The following CDKL2 variants were observed in gnomAD, a reference collection of about 807,000 sequenced individuals.
The protein encoded by CDKL2 is cyclin-dependent kinase-like 2.
CDKL2 carries 64 observed loss-of-function variants against 63.9 expected under a neutral mutation model. The observed-to-expected ratio is 1.00, with a 90% confidence interval of 0.82 to 1.23. CDKL2 has a LOEUF of 1.23. CDKL2 is among the 50% of genes most tolerant of loss of function. The pLI is 0.00. For synonymous variants in CDKL2, 211 were observed against 229.2 expected, an observed-to-expected ratio of 0.92 and a Z score of 0.72; for missense variants, 656 against 668.0, an observed-to-expected ratio of 0.98 and a Z score of 0.20.
chr4:75,626,300 A>G (rs1730403794), intron 1 of CDKL2, among the ~76,000 whole-genome samples: 2 of 152,346 alleles, frequency 1.3e-5, no homozygotes, highest in African/African-American at 4.8e-5. Context: ...TGTTAATGAA[A>G]TTCCATATAT....
intron 2 of CDKL2, among the ~76,000 whole-genome samples, chr4:75,622,715 CAAAAAAAAAAAAAAAA>C (rs1171964321): frequency 2.1e-4 from 3 of 13,956 alleles, no homozygotes; most frequent in Admixed American, 3.3e-3. Flanking sequence ...AAGACTCCAT[CAAAAAAAAAAAAAAAA>C]AAAAAAAAAA....
chr4:75,590,031 T>C (rs999311251), intron 12 of CDKL2, among the ~76,000 whole-genome samples: 1 of 150,800 alleles, frequency 6.6e-6, no homozygotes, highest in Non-Finnish European at 1.5e-5. Context: ...GCCAGGTGTG[T>C]TGGTGCACTC....
chr4:75,599,230 A>G (rs986735040), intron 7 of CDKL2, among the ~76,000 whole-genome samples: 1 of 152,208 alleles, frequency 6.6e-6, no homozygotes, highest in African/African-American at 2.4e-5. Context: ...AGACTCAATG[A>G]TATGGTTTCA....
At chr4:75,624,082 G>C (rs1035309116) in intron 2 of CDKL2, among the ~76,000 whole-genome samples, 8 of 142,706 alleles carry the variant, frequency 5.6e-5, no homozygotes, top group African/African-American at 1.6e-4. Flanking sequence ...AGTGAGCCAA[G>C]ATTACGCCAC....
chr4:75,617,910 G>A (rs1390184022), intron 2 of CDKL2, among the ~76,000 whole-genome samples: 1 of 152,026 alleles, frequency 6.6e-6, no homozygotes, highest in Admixed American at 6.6e-5. Flanking sequence ...AGATCAGCCT[G>A]GCCAAAATGG....
intron 3 of CDKL2, among the ~76,000 whole-genome samples, chr4:75,613,727 G>C (rs995071826): frequency 6.6e-6 from 1 of 152,134 alleles, no homozygotes; most frequent in African/African-American, 2.4e-5. Flanking sequence ...CTTAAAATTT[G>C]TGCATTTCGC....
rs575626851 is a variant in CDKL2, at chr4:75,582,556, G to A, written c.1648-658C>T. ...GGGAACCTATGAGAAAATACTAAATGGTCTACCATACATATCATTAGACTC... is the reference window on the plus strand; with the variant it reads ...GGGAACCTATGAGAAAATACTAAATAGTCTACCATACATATCATTAGACTC... On this transcript the variant is annotated intron_variant, in intron 12 of 13. Coordinates refer to ENST00000307465, the MANE Select transcript of CDKL2 (RefSeq NM_001330724.2). Among the ~76,000 whole-genome samples, 236 of 152,016 alleles carry A rather than the reference G, an allele frequency of 1.6e-3. 1 individual carries two copies. The highest frequency in any genetic ancestry group is 5.4e-3 in the African/African-American group (226 of 41,468).
At chr4:75,614,953 A>AGTG (rs58004180) in intron 2 of CDKL2, among the ~76,000 whole-genome samples, 1 of 147,860 alleles carries the variant, frequency 6.8e-6, no homozygotes, top group African/African-American at 2.5e-5. Context: ...TCATATATAT[A>AGTG]TATACACTAT....
At chr4:75,602,212 G>C (rs1042931364) in intron 6 of CDKL2, among the ~76,000 whole-genome samples, 6 of 151,542 alleles carry the variant, frequency 4.0e-5, no homozygotes, top group African/African-American at 1.5e-4. Context: ...ATGGAGTCTC[G>C]CTCTGTTGCC....
chr4:75,622,669 G>T (rs1370257099), intron 2 of CDKL2, among the ~76,000 whole-genome samples: 1 of 114,344 alleles, frequency 8.7e-6, no homozygotes, highest in Non-Finnish European at 1.6e-5. Flanking sequence ...AGCGAGACGA[G>T]ATTGCACCAC....
At chr4:75,611,968 A>C (rs1368285191) in intron 3 of CDKL2, among the ~76,000 whole-genome samples, 3 of 149,804 alleles carry the variant, frequency 2.0e-5, no homozygotes, top group African/African-American at 7.5e-5. Context: ...ACTAGATTTT[A>C]AAATCTTTTT....
intron 13 of CDKL2, among the ~76,000 whole-genome samples, chr4:75,579,786 G>C (rs900822483): frequency 6.6e-6 from 1 of 152,216 alleles, no homozygotes; most frequent in Non-Finnish European, 1.5e-5. Flanking sequence ...TACACGGTTT[G>C]TATGAATTAG....
rs983886484 is a variant in CDKL2 at position 75,613,980 on chromosome 4, C to CT, written c.363+274dup. ...GCTGAGGCAAGAGAATCACTTGAAC[C>CT]TGGGGGGCAGAGGTTGCAGTGAGCT... On this transcript the variant is annotated intron_variant, in intron 3 of 13. Transcript: ENST00000307465. Among the ~76,000 whole-genome samples, 21 of 152,246 alleles carry CT rather than the reference C, an allele frequency of 1.4e-4. No homozygotes were observed. In the East Asian group the frequency reaches 1.9e-3, roughly 14 times the overall value.
intron 2 of CDKL2, among the ~76,000 whole-genome samples, chr4:75,622,260 CAA>C (rs1224536999): frequency 6.6e-6 from 1 of 151,964 alleles, no homozygotes; most frequent in African/African-American, 2.4e-5. Context: ...AAGTAAAATA[CAA>C]AGATTGTCAG....
intron 12 of CDKL2, 44 bp downstream of exon 12, chr4:75,591,775 G>T: frequency 7.7e-7 from 1 of 1,304,552 alleles, no homozygotes; most frequent in African/African-American, 1.5e-5. Flanking sequence ...GTAAGTAAGA[G>T]AGAGACCCGA....
At chr4:75,614,761 C>T (rs1340782716) in intron 2 of CDKL2, among the ~76,000 whole-genome samples, 1 of 151,612 alleles carries the variant, frequency 6.6e-6, no homozygotes, top group Non-Finnish European at 1.5e-5. Context: ...GATGGGACTA[C>T]TAAATCTAAT....
chr4:75,592,915 C>T (rs1316294485), intron 10 of CDKL2, among the ~76,000 whole-genome samples: 1 of 152,220 alleles, frequency 6.6e-6, no homozygotes, highest in African/African-American at 2.4e-5. Flanking sequence ...AGCAGCAGCA[C>T]TTCAATTCTG....
intron 6 of CDKL2, among the ~76,000 whole-genome samples, chr4:75,600,790 A>T (rs1249930367): frequency 6.6e-6 from 1 of 152,202 alleles, no homozygotes; most frequent in East Asian, 1.9e-4. Flanking sequence ...ATAATCAAGG[A>T]TAAAGAATAA....
rs1388646846 is a variant in CDKL2 at position 75,614,474 on chromosome 4, CTGT to C, written c.169-28_169-26del. 13 of 1,468,626 alleles carry C rather than the reference CTGT, an allele frequency of 8.9e-6. No homozygotes were observed. In the Middle Eastern group the frequency reaches 8.9e-4, roughly 101 times the overall value. 91.0% of individuals were successfully genotyped at this position (1,468,626 alleles called of 1,614,324 possible). A position where few individuals can be genotyped will look rare whatever the true frequency, so the allele number is the denominator to read the frequency against. On this transcript the variant is annotated intron_variant, in intron 2 of 13. Transcript: ENST00000307465. ...GCTGTTATTAAAAAATGCAAAATAG[CTGT>C]TATTTAAAAATGCAAAATAGTTTAT...
Sources: allele counts gnomAD v4.1 joint callset (sites outside exome capture counted in the v4.1 genomes callset), GRCh38; gene constraint gnomAD v4.1.1; transcripts MANE v1.5; gene names NCBI Gene and HGNC (gene_info 2026-07-23, HGNC 2026-07-21).